Variants in EMID1 observed in about 807,000 individuals in gnomAD.
The protein encoded by EMID1 is EMI domain-containing protein 1.
EMID1 carries 40 observed loss-of-function variants against 60.6 expected under a neutral mutation model. The observed-to-expected ratio is 0.66, with a 90% confidence interval of 0.51 to 0.86. The LOEUF (loss-of-function observed/expected upper bound fraction) is 0.86, where lower values mean the gene tolerates loss of function less well. Ranked by LOEUF, EMID1 falls within the 40% of genes least tolerant of loss-of-function variation. The pLI is 0.00. For missense variants in EMID1, 585 were observed against 597.1 expected, an observed-to-expected ratio of 0.98 and a Z score of 0.21; for synonymous variants, 242 against 231.0, an observed-to-expected ratio of 1.05 and a Z score of -0.43.
At chr22:29,255,053 T>G (rs953888023) in intron 14 of EMID1, among the ~76,000 whole-genome samples, 1 of 152,002 alleles carries the variant, frequency 6.6e-6, no homozygotes, top group African/African-American at 2.4e-5. Flanking sequence ...CAGGCATTCA[T>G]TCACCCAGAA....
At chr22:29,225,254 T>G in intron 4 of EMID1, 38 bp downstream of exon 4, 1 of 1,607,876 alleles carries the variant, frequency 6.2e-7, no homozygotes, top group Non-Finnish European at 8.5e-7. Context: ...CCCCCTGGGC[T>G]GAGGGAGCCC....
At position 29,221,066 on chromosome 22, in the gene EMID1, C is replaced by CGTGTGTGTGT. The variant is rs59651061; in HGVS notation, c.320-4018_320-4009dup. ...ATTAGGGGAGGGCATGGGGTGGGAA[C>CGTGTGTGTGT]GTGTGTGTGTGTGTGTGTGTGTGTG... On this transcript the variant is annotated intron_variant, in intron 3 of 14. Transcript: ENST00000334018. 3.1e-4 allele frequency among the ~76,000 whole-genome samples: 31 copies of CGTGTGTGTGT among 100,062 alleles called. 1 individual carries two copies. The highest frequency in any genetic ancestry group is 9.9e-4 in the African/African-American group (26 of 26,266). 65.6% of individuals were successfully genotyped at this position (100,062 alleles called of 152,430 possible).
rs1016877208 is a variant in EMID1 at position 29,233,224 on chromosome 22, C to T, written c.824-155C>T. Reference sequence around the variant, plus strand: ...CTGGTCTTGCGGGACCAACACTCTCCACACTCCTCACCCTGGAGCAGGTGC... The same window carrying T: ...CTGGTCTTGCGGGACCAACACTCTCTACACTCCTCACCCTGGAGCAGGTGC... On this transcript the variant is annotated intron_variant, in intron 8 of 14. Transcript: ENST00000334018. The T allele has an allele frequency of 2.3e-5, 17 of 742,020 alleles. No homozygotes were observed. In the African/African-American group the frequency reaches 2.8e-4, roughly 12 times the overall value. The allele number at this position is 742,020 out of a possible 1,614,324, so 46.0% of individuals were successfully genotyped here.
chr22:29,253,834 C>G lies in EMID1; in HGVS notation c.1120-369C>G. On this transcript the variant is annotated intron_variant, in intron 13 of 14. Transcript: ENST00000334018. ...AGTCATGCAGGTGTTGGGAGAGCAA[C>G]TGGTGCTGGGCGACAGACATTAGAG... is the stretch of plus-strand genomic sequence containing the variant. 3 of 877,974 alleles carry G rather than the reference C, an allele frequency of 3.4e-6. No individual in the cohort carries two copies. In the South Asian group the frequency reaches 1.6e-4, roughly 46 times the overall value. 54.4% of individuals were successfully genotyped at this position (877,974 alleles called of 1,614,324 possible). A position where few individuals can be genotyped will look rare whatever the true frequency, so the allele number is the denominator to read the frequency against.
At chr22:29,216,279 G>A in intron 3 of EMID1, 1 of 984,940 alleles carries the variant, frequency 1.0e-6, no homozygotes, top group East Asian at 1.1e-4. Context: ...CCTCCCAGGA[G>A]CCTGGCCACA....
intron 13 of EMID1, among the ~76,000 whole-genome samples, chr22:29,251,825 T>C (rs568600045): frequency 6.4e-4 from 97 of 152,024 alleles, no homozygotes; most frequent in Non-Finnish European, 1.1e-3. Flanking sequence ...CCACCAAGCT[T>C]GGCTAATTTT....
intron 1 of EMID1, among the ~76,000 whole-genome samples, chr22:29,206,643 C>G (rs2039668532): frequency 6.6e-6 from 1 of 152,202 alleles, no homozygotes; most frequent in Non-Finnish European, 1.5e-5. Flanking sequence ...CCCCAGGGAC[C>G]TGGCATTTTG....
At chr22:29,226,466 C>T (rs1442172421) in intron 4 of EMID1, 24 bp from the exon 5 acceptor site, 1 of 1,610,232 alleles carries the variant, frequency 6.2e-7, no homozygotes, top group Non-Finnish European at 8.5e-7. Flanking sequence ...TTGGCCCTGG[C>T]CCCAGCTTCC....
At chr22:29,239,667 G>A (rs1379223259) in intron 12 of EMID1, among the ~76,000 whole-genome samples, 1 of 152,034 alleles carries the variant, frequency 6.6e-6, no homozygotes, top group Non-Finnish European at 1.5e-5. Context: ...ATAATGTACT[G>A]TGCAAAAGAA....
At chr22:29,241,431 T>C (rs2041150082) in intron 12 of EMID1, among the ~76,000 whole-genome samples, 2 of 152,172 alleles carry the variant, frequency 1.3e-5, no homozygotes, top group Admixed American at 1.3e-4. Flanking sequence ...CCTTGTCCCC[T>C]AGGCTGGAGT....
rs996184530 is a variant in EMID1 at position 29,209,897 on chromosome 22, G to A, written c.101+3758G>A. On this transcript the variant is annotated intron_variant, in intron 1 of 14. Coordinates refer to ENST00000334018, the MANE Select transcript of EMID1 (RefSeq NM_133455.4). Reference sequence around the variant, plus strand: ...GCTATAGGGAGTCATGGTGGGCTGCGGACTCCACAGTGGGTGGTGGCAACA... The same window carrying A: ...GCTATAGGGAGTCATGGTGGGCTGCAGACTCCACAGTGGGTGGTGGCAACA... 7.2e-5 allele frequency among the ~76,000 whole-genome samples: 11 copies of A among 152,254 alleles called. No homozygotes were observed. In the East Asian group the frequency reaches 1.2e-3, roughly 16 times the overall value.
chr22:29,234,026 A>C (rs1253369427), intron 10 of EMID1, 111 bp from the exon 11 acceptor site: 1 of 1,243,248 alleles, frequency 8.0e-7, no homozygotes, highest in Non-Finnish European at 1.1e-6. Flanking sequence ...ATGGTGAAGA[A>C]CCCAGAGGCC....
At chr22:29,211,420 T>C (rs2039875900) in intron 1 of EMID1, among the ~76,000 whole-genome samples, 1 of 152,110 alleles carries the variant, frequency 6.6e-6, no homozygotes, top group African/African-American at 2.4e-5. Context: ...TGTCCATGCG[T>C]TGTGTGTACA....
At chr22:29,248,689 A>C (rs1199000391) in intron 13 of EMID1, among the ~76,000 whole-genome samples, 1 of 152,074 alleles carries the variant, frequency 6.6e-6, no homozygotes, top group Admixed American at 6.6e-5. Context: ...ACAAATAAAA[A>C]AATTAGCTGG....
intron 1 of EMID1, among the ~76,000 whole-genome samples, chr22:29,212,429 A>G (rs1386436270): frequency 2.0e-5 from 3 of 151,396 alleles, no homozygotes; most frequent in African/African-American, 7.3e-5. Flanking sequence ...TCATTAGGAG[A>G]AACATTTCTA....
At chr22:29,241,673 G>A (rs552745791) in intron 12 of EMID1, among the ~76,000 whole-genome samples, 1 of 152,060 alleles carries the variant, frequency 6.6e-6, no homozygotes, top group South Asian at 2.1e-4. Context: ...ACAGGCGTGA[G>A]CTACCGCACC....
intron 14 of EMID1, chr22:29,255,208 G>GGGCC: frequency 5.9e-5 from 48 of 815,116 alleles, no homozygotes; most frequent in Non-Finnish European, 7.6e-5. Flanking sequence ...TCCCCGCTTG[G>GGGCC]CTCCCCAGCC....
chr22:29,225,111 G>T, intron 3 of EMID1, 22 bp from the exon 4 acceptor site: 1 of 1,612,630 alleles, frequency 6.2e-7, no homozygotes, highest in Non-Finnish European at 8.5e-7. Flanking sequence ...TGCCAGCAGG[G>T]CTCTCACCCT....
chr22:29,242,786 CT>C (rs1181509024), intron 12 of EMID1, among the ~76,000 whole-genome samples: 2 of 152,180 alleles, frequency 1.3e-5, no homozygotes, highest in African/African-American at 4.8e-5. Flanking sequence ...GAGATAGGGT[CT>C]TTCTTCCTAA....
Sources: gnomAD v4.1 joint callset for allele counts (sites outside exome capture counted in the v4.1 genomes callset) on GRCh38, gnomAD v4.1.1 for gene constraint, MANE v1.5 for transcripts, NCBI Gene and HGNC (gene_info 2026-07-23, HGNC 2026-07-21) for gene names.